RTKN2: variants seen among roughly 807,000 people sequenced by gnomAD.
The protein encoded by RTKN2 is rhotekin-2.
RTKN2 carries 69 observed loss-of-function variants against 71.5 expected under a neutral mutation model. That is an observed-to-expected ratio of 0.96 (90% confidence interval 0.79 to 1.18). The LOEUF (loss-of-function observed/expected upper bound fraction) is 1.18, where lower values mean the gene tolerates loss of function less well. Among genes scored for constraint, RTKN2 ranks in the 50% most tolerant of loss-of-function variants. The probability of loss-of-function intolerance (pLI) is 0.00; values close to 1 mark genes in which losing one functional copy is unlikely to be tolerated. For missense variants in RTKN2, 724 were observed against 719.7 expected, an observed-to-expected ratio of 1.01 and a Z score of -0.07; for synonymous variants, 236 against 236.5, an observed-to-expected ratio of 1.00 and a Z score of 0.02.
chr10:62,215,526 G>A (rs1035152360), intron 9 of RTKN2, among the ~76,000 whole-genome samples: 1 of 151,944 alleles, frequency 6.6e-6, no homozygotes, highest in Non-Finnish European at 1.5e-5. Context: ...CTGTATATTA[G>A]ATAATATTGT....
Position 62,199,775 on chromosome 10 carries a change from T to A in RTKN2, c.1273A>T (p.Thr425Ser). 6.2e-7 allele frequency: 1 copy of A among 1,611,526 alleles called. No homozygotes were observed. Among genetic ancestry groups the A allele is most frequent in the South Asian group, 1.1e-5 (1 of 90,984 alleles). Reference protein sequence around the residue: ...KPPLFLTKEATSVYHDMSIDS... With the variant: ...KPPLFLTKEASSVYHDMSIDS... The stretch of plus-strand genomic sequence containing the variant: ...TTACTCATATCATGGTAGACTGAGG[T>A]TGCCTCTTTTGTCAAGAACAAAGGT... The change falls in exon 11 of 12, where the codon ACC (threonine) becomes TCC (serine). Residue 425 changes from threonine to serine, a missense_variant. By Grantham distance (58) the Thr-to-Ser change is moderately conservative (BLOSUM62 1). Coordinates refer to ENST00000373789, the MANE Select transcript of RTKN2 (RefSeq NM_145307.4).
At chr10:62,262,903 T>C (rs1333087008) in intron 1 of RTKN2, 82 bp from the exon 2 acceptor site, 1 of 767,080 alleles carries the variant, frequency 1.3e-6, no homozygotes, top group South Asian at 2.0e-5. Flanking sequence ...ATAGGTATCA[T>C]AATTGTATAC....
At chr10:62,215,321 G>C (rs943347303) in intron 9 of RTKN2, among the ~76,000 whole-genome samples, 3 of 151,816 alleles carry the variant, frequency 2.0e-5, no homozygotes, top group African/African-American at 7.3e-5. Context: ...AAGAAAACTG[G>C]CCTGGACTTT....
At position 62,212,737 on chromosome 10, in the gene RTKN2, C is replaced by T. The variant is rs961628260; in HGVS notation, c.1020+4381G>A. Reference sequence around the variant, plus strand: ...AACAAACAAAAAACCAAAAAGAAAACGCTAATAGCATGTCTCCCTTACAAA... The same window carrying T: ...AACAAACAAAAAACCAAAAAGAAAATGCTAATAGCATGTCTCCCTTACAAA... On this transcript the variant is annotated intron_variant, in intron 9 of 11. Coordinates refer to ENST00000373789, the MANE Select transcript of RTKN2 (RefSeq NM_145307.4). Among the ~76,000 whole-genome samples, 8 of 152,002 alleles carry T rather than the reference C, an allele frequency of 5.3e-5. No individual in the cohort carries two copies. The South Asian group carries it at 6.2e-4, about 12-fold the overall frequency.
intron 3 of RTKN2, among the ~76,000 whole-genome samples, chr10:62,244,058 G>C (rs1842432541): frequency 6.6e-6 from 1 of 152,118 alleles, no homozygotes; most frequent in Non-Finnish European, 1.5e-5. Flanking sequence ...GAGTGATGTA[G>C]CTGGAAACAG....
intron 3 of RTKN2, among the ~76,000 whole-genome samples, chr10:62,242,273 T>A (rs1034703868): frequency 6.6e-6 from 1 of 152,206 alleles, no homozygotes; most frequent in Admixed American, 6.5e-5. Context: ...GAACAAATTT[T>A]GTCAAAATTT....
Position 62,196,357 on chromosome 10 carries a change from A to C in RTKN2, c.*1551T>G. The C allele has an allele frequency of 1.0e-6, 1 of 984,558 alleles. No individual in the cohort carries two copies. Among genetic ancestry groups the C allele is most frequent in the Non-Finnish European group, 1.2e-6 (1 of 829,188 alleles). 61.0% of individuals were successfully genotyped at this position (984,558 alleles called of 1,614,324 possible). A position where few individuals can be genotyped will look rare whatever the true frequency, so the allele number is the denominator to read the frequency against. The stretch of plus-strand genomic sequence containing the variant: ...CATATAGTACTTTCTTCTCACCAAA[A>C]ACTCTGTCTGTCCTGATGTTACCAG... On this transcript the variant is annotated 3_prime_UTR_variant, in exon 12 of 12. Coordinates refer to ENST00000373789, the MANE Select transcript of RTKN2 (RefSeq NM_145307.4).
intron 6 of RTKN2, among the ~76,000 whole-genome samples, chr10:62,230,440 G>A (rs1842124958): frequency 3.9e-5 from 6 of 152,088 alleles, no homozygotes; most frequent in Admixed American, 3.9e-4. Context: ...GCCTCCCAAA[G>A]TGCTGAGATT....
intron 2 of RTKN2, among the ~76,000 whole-genome samples, chr10:62,253,774 T>C (rs969860480): frequency 1.3e-5 from 2 of 152,190 alleles, no homozygotes; most frequent in East Asian, 3.9e-4. Context: ...GTGACTGGCA[T>C]GTGACCAAAA....
rs182055628 is a variant in RTKN2, at chr10:62,238,279, T to C, written c.488+1369A>G. On this transcript the variant is annotated intron_variant, in intron 5 of 11. Transcript: ENST00000373789. ...AATATTGAATACTTATTAAAAACAATCATCATAACAAAAAGCACATTTTTC... is the reference window on the plus strand; with the variant it reads ...AATATTGAATACTTATTAAAAACAACCATCATAACAAAAAGCACATTTTTC... 2.1e-4 allele frequency: 32 copies of C among 152,064 alleles called. No homozygotes were observed. In the East Asian group the frequency reaches 3.5e-3, roughly 16 times the overall value. The allele number at this position is 152,064 out of a possible 1,614,324, so 9.4% of individuals were successfully genotyped here.
chr10:62,222,822 T>TA (rs1308449969), intron 7 of RTKN2, among the ~76,000 whole-genome samples: 1 of 152,204 alleles, frequency 6.6e-6, no homozygotes, highest in African/African-American at 2.4e-5. Context: ...AGGTAAACTC[T>TA]AAATACCACC....
chr10:62,193,940 G>T lies in RTKN2; in HGVS notation c.*3968C>A. 4 of 983,826 alleles carry T rather than the reference G, an allele frequency of 4.1e-6. No homozygotes were observed. The highest frequency in any genetic ancestry group is 4.8e-6 in the Non-Finnish European group (4 of 828,528). The allele number at this position is 983,826 out of a possible 1,614,324, so 60.9% of individuals were successfully genotyped here. ...CTGATTAAACTGATTCCACCACACT[G>T]TCTACTTCAATCAGTCTAGTCTAGA... On this transcript the variant is annotated 3_prime_UTR_variant, in exon 12 of 12. Coordinates refer to ENST00000373789, the MANE Select transcript of RTKN2 (RefSeq NM_145307.4).
At chr10:62,226,583 A>G (rs1842028342) in intron 6 of RTKN2, among the ~76,000 whole-genome samples, 1 of 152,246 alleles carries the variant, frequency 6.6e-6, no homozygotes, top group Non-Finnish European at 1.5e-5. Context: ...GAATTGGTAT[A>G]ATGTCAGACT....
At chr10:62,252,112 C>A (rs547437118) in intron 2 of RTKN2, among the ~76,000 whole-genome samples, 2 of 152,006 alleles carry the variant, frequency 1.3e-5, no homozygotes, top group East Asian at 1.9e-4. Flanking sequence ...TAAAAAAGAA[C>A]AATCTACATA....
rs78508238 is a variant in RTKN2, at chr10:62,197,277, G to T, written c.*631C>A. 4,737 of 985,352 alleles carry T rather than the reference G, an allele frequency of 4.8e-3. 185 individuals are homozygous for T. The African/African-American group carries it at 0.073, about 15-fold the overall frequency. The allele number at this position is 985,352 out of a possible 1,614,324, so 61.0% of individuals were successfully genotyped here. ...AAAGTTAATGTCAACAGTATTTCAG[G>T]GCTCATCAAGGAAACAAGTTTGAAT... On this transcript the variant is annotated 3_prime_UTR_variant, in exon 12 of 12. Coordinates refer to ENST00000373789, the MANE Select transcript of RTKN2 (RefSeq NM_145307.4).
At position 62,197,901 on chromosome 10, in the gene RTKN2, G is replaced by A. The variant is rs1271183467; in HGVS notation, c.*7C>T. The A allele has an allele frequency of 1.9e-6, 3 of 1,596,048 alleles. No individual in the cohort carries two copies. Among genetic ancestry groups the A allele is most frequent in the East Asian group, 4.5e-5 (2 of 44,764 alleles). The stretch of plus-strand genomic sequence containing the variant: ...ATTTTGTTAAATGTTTTATCATTAA[G>A]AGTTTTCTATACTTGTGCCTGCAGC... On this transcript the variant is annotated 3_prime_UTR_variant, in exon 12 of 12. Transcript: ENST00000373789.
chr10:62,226,733 C>T (rs182458434), intron 6 of RTKN2, among the ~76,000 whole-genome samples: 4 of 152,296 alleles, frequency 2.6e-5, no homozygotes, highest in Non-Finnish European at 5.9e-5. Flanking sequence ...ACAATAAGCT[C>T]TTATTTTTCC....
intron 9 of RTKN2, among the ~76,000 whole-genome samples, chr10:62,206,645 G>A (rs1485358853): frequency 6.6e-6 from 1 of 152,010 alleles, no homozygotes; most frequent in Admixed American, 6.6e-5. Flanking sequence ...ATCTAGGAAT[G>A]TGAGTGTCTT....
chr10:62,268,502 G>C lies in RTKN2; in HGVS notation c.60+49C>G, dbSNP rs973744494. On this transcript the variant is annotated intron_variant, in intron 1 of 11. Transcript: ENST00000373789. Reference sequence around the variant, plus strand: ...CCACAAAGCAAATGCGCGAGGAACAGAACCCCGGCTCCCTCACCTTCCGCG... The same window carrying C: ...CCACAAAGCAAATGCGCGAGGAACACAACCCCGGCTCCCTCACCTTCCGCG... 5.3e-6 allele frequency: 8 copies of C among 1,519,132 alleles called. No homozygotes were observed. In the African/African-American group the frequency reaches 1.1e-4, roughly 21 times the overall value. The allele number at this position is 1,519,132 out of a possible 1,614,324, so 94.1% of individuals were successfully genotyped here. A position where few individuals can be genotyped will look rare whatever the true frequency, so the allele number is the denominator to read the frequency against.
Sources: gnomAD v4.1 joint callset for allele counts (sites outside exome capture counted in the v4.1 genomes callset) on GRCh38, gnomAD v4.1.1 for gene constraint, MANE v1.5 for transcripts, NCBI Gene and HGNC (gene_info 2026-07-23, HGNC 2026-07-21) for gene names.